The following AKAP9 variants were observed in gnomAD, a reference collection of about 807,000 sequenced individuals.
AKAP9 encodes the protein A-kinase anchoring protein 9, also known as A-kinase anchor protein 9.
Under a neutral mutation model 488.5 loss-of-function variants are expected in AKAP9, and 311 were observed. The observed-to-expected ratio is 0.64, with a 90% confidence interval of 0.58 to 0.70. AKAP9 has a LOEUF of 0.70. Ranked by LOEUF, AKAP9 falls within the 30% of genes least tolerant of loss-of-function variation. The pLI is 0.00. For synonymous variants in AKAP9, 1,462 were observed against 1,483.5 expected (o/e 0.99, Z 0.33); for missense variants, 4,215 against 4,374.5 (o/e 0.96, Z 1.03).
intron 1 of AKAP9, among the ~76,000 whole-genome samples, chr7:91,952,696 G>A (rs1033746580): frequency 2.0e-5 from 3 of 152,176 alleles, no homozygotes; most frequent in African/African-American, 7.2e-5. Context: ...AAAGCTATTA[G>A]CAAGATGTGG....
At chr7:92,072,264 T>C in intron 28 of AKAP9, among the ~76,000 whole-genome samples, 1 of 152,166 alleles carries the variant, frequency 6.6e-6, no homozygotes, top group East Asian at 1.9e-4. Flanking sequence ...TTCAAAACTA[T>C]GAGAAACTTT....
chr7:91,998,357 C>T (rs1325750571), intron 7 of AKAP9, among the ~76,000 whole-genome samples: 1 of 142,878 alleles, frequency 7.0e-6, no homozygotes, highest in Non-Finnish European at 1.5e-5. Context: ...GGTGCCGTAG[C>T]ATAGTATTTC....
chr7:92,084,560 G>A lies in AKAP9; in HGVS notation c.8647-80G>A, dbSNP rs75434597. 1.5e-3 allele frequency: 1,609 copies of A among 1,062,180 alleles called. 16 individuals are homozygous for A. The African/African-American group carries it at 0.023, about 15-fold the overall frequency. The allele number at this position is 1,062,180 out of a possible 1,614,324, so 65.8% of individuals were successfully genotyped here. A position where few individuals can be genotyped will look rare whatever the true frequency, so the allele number is the denominator to read the frequency against. On this transcript the variant is annotated intron_variant, in intron 33 of 49. Transcript: ENST00000356239. ...TGACAGATTTGATTGATTACAGCAC[G>A]GGAAACCAGCAAAATAATTCATTGT... is the stretch of plus-strand genomic sequence containing the variant.
rs1799200691 is a variant in AKAP9 at position 92,001,650 on chromosome 7, C to T, written c.1733C>T (p.Ala578Val). ...VEDLKAEIVS[A>V]SESRKELELK... The stretch of plus-strand genomic sequence containing the variant: ...GATTTGAAAGCTGAGATTGTTTCTG[C>T]ATCTGAATCCAGAAAGGAACTAGAA... Residue 578 changes from alanine (A) to valine (V), a missense_variant, in exon 8 of 50, where the codon GCA becomes GTA. This residue lies in a region of AKAP9 where 2,361 missense variants were observed against 2,430.0 expected (regional missense o/e 0.97). Transcript: ENST00000356239. The T allele has an allele frequency of 1.2e-6, 2 of 1,612,738 alleles. No homozygotes were observed. Among genetic ancestry groups the T allele is most frequent in the South Asian group, 2.2e-5 (2 of 90,856 alleles).
At chr7:91,996,990 G>A (rs990089757) in intron 7 of AKAP9, among the ~76,000 whole-genome samples, 1 of 152,108 alleles carries the variant, frequency 6.6e-6, no homozygotes, top group African/African-American at 2.4e-5. Context: ...GCAAGATGAG[G>A]TAAATTGCTC....
chr7:92,077,425 G>T (rs1812794770), intron 29 of AKAP9, among the ~76,000 whole-genome samples: 1 of 151,818 alleles, frequency 6.6e-6, no homozygotes, highest in Admixed American at 6.6e-5. Flanking sequence ...GATAAATCCA[G>T]CTGTTAAATA....
intron 26 of AKAP9, among the ~76,000 whole-genome samples, chr7:92,067,389 C>T (rs1464340355): frequency 1.3e-5 from 2 of 152,186 alleles, no homozygotes; most frequent in African/African-American, 4.8e-5. Context: ...TTTTCTTCTT[C>T]ATCTCAGTAA....
chr7:92,103,472 G>T (rs1176872669), intron 46 of AKAP9, among the ~76,000 whole-genome samples: 2 of 149,502 alleles, frequency 1.3e-5, no homozygotes, highest in African/African-American at 2.5e-5. Flanking sequence ...GAGGCCGGCA[G>T]ATCGTGAGGT....
At chr7:91,967,875 AT>A (rs1164777253) in intron 1 of AKAP9, among the ~76,000 whole-genome samples, 1 of 152,106 alleles carries the variant, frequency 6.6e-6, no homozygotes, top group African/African-American at 2.4e-5. Flanking sequence ...TATAATTGTT[AT>A]TCTTTAAATG....
intron 24 of AKAP9, among the ~76,000 whole-genome samples, chr7:92,063,938 G>A (rs1025838738): frequency 6.6e-6 from 1 of 152,098 alleles, no homozygotes; most frequent in Non-Finnish European, 1.5e-5. Flanking sequence ...GAGCCACCAT[G>A]CCTGGCTAAT....
chr7:92,043,653 A>G (rs1456449735), intron 20 of AKAP9, among the ~76,000 whole-genome samples: 1 of 152,148 alleles, frequency 6.6e-6, no homozygotes, highest in Non-Finnish European at 1.5e-5. Flanking sequence ...TTGGCTTCCT[A>G]CTAAATTAGT....
chr7:92,061,594 A>ATATATATATATATATATG (rs2130822276), intron 23 of AKAP9, among the ~76,000 whole-genome samples, 172 bp downstream of exon 23: 1 of 130,754 alleles, frequency 7.6e-6, no homozygotes, highest in African/African-American at 3.2e-5. Context: ...CTATATATAT[A>ATATATATATATATATATG]TATATATATA....
chr7:92,033,183 A>G (rs1322475402), intron 16 of AKAP9, among the ~76,000 whole-genome samples: 1 of 152,182 alleles, frequency 6.6e-6, no homozygotes, highest in African/African-American at 2.4e-5. Flanking sequence ...GCAGAGCACC[A>G]AAGTACTGGT....
intron 22 of AKAP9, chr7:92,058,486 C>T (rs1809201648): frequency 2.5e-6 from 1 of 397,806 alleles, no homozygotes; most frequent in Admixed American, 3.4e-5. Context: ...TATATTAAGG[C>T]TAAATGGGAT....
intron 1 of AKAP9, among the ~76,000 whole-genome samples, chr7:91,954,458 T>C (rs2282969): frequency 0.6 from 91,257 of 151,962 alleles, 27,702 homozygotes; most frequent in East Asian, 0.83. Flanking sequence ...TTATTTTTTA[T>C]AGAGGCAGGG....
chr7:92,110,050 G>T, intron 49 of AKAP9, 72 bp from the exon 50 acceptor site: 1 of 1,129,404 alleles, frequency 8.9e-7, no homozygotes, highest in South Asian at 1.3e-5. Flanking sequence ...TCCTTTGTGT[G>T]AACTCTGGTG....
rs543605757 is a variant in AKAP9, at chr7:92,015,314, C to G, written c.3613-815C>G. ...ACCGGAACAACGCGTCAAATATTTTCAATTTTTGTGTGTGCATATAAACTA... is the reference window on the plus strand; with the variant it reads ...ACCGGAACAACGCGTCAAATATTTTGAATTTTTGTGTGTGCATATAAACTA... On this transcript the variant is annotated intron_variant, in intron 10 of 49. Coordinates refer to ENST00000356239, the MANE Select transcript of AKAP9 (RefSeq NM_005751.5). Among the ~76,000 whole-genome samples, 283 of 151,332 alleles carry G rather than the reference C, an allele frequency of 1.9e-3. 3 individuals are homozygous for G. The highest frequency in any genetic ancestry group is 5.2e-4 in the Non-Finnish European group (35 of 67,878).
chr7:91,960,120 T>C (rs1008605075), intron 1 of AKAP9, among the ~76,000 whole-genome samples: 3 of 152,220 alleles, frequency 2.0e-5, no homozygotes, highest in African/African-American at 7.2e-5. Context: ...ATAATTAGAA[T>C]TAATTGGTAT....
intron 1 of AKAP9, among the ~76,000 whole-genome samples, chr7:91,958,523 T>G (rs1008684249): frequency 6.6e-6 from 1 of 152,172 alleles, no homozygotes; most frequent in Admixed American, 6.5e-5. Context: ...ATAGGATAGG[T>G]GACATCTAAA....
Sources: allele counts gnomAD v4.1 joint callset (sites outside exome capture counted in the v4.1 genomes callset), GRCh38; gene constraint gnomAD v4.1.1; regional missense constraint gnomAD v4.1.1; transcripts MANE v1.5; gene names NCBI Gene and HGNC (gene_info 2026-07-23, HGNC 2026-07-21).